ALK: variants seen among roughly 807,000 people sequenced by gnomAD.
The protein encoded by ALK is ALK tyrosine kinase receptor.
A neutral mutation model predicts 163.1 loss-of-function variants in ALK; 74 were observed. That is an observed-to-expected ratio of 0.45 (90% CI 0.38 to 0.55). ALK has a LOEUF of 0.55. Among genes scored for constraint, ALK ranks in the 20% least tolerant of loss-of-function variants. ALK has a pLI of 0.00. For missense variants in ALK, 2,063 were observed against 2,105.3 expected (o/e 0.98, Z 0.39); for synonymous variants, 960 against 843.2 (o/e 1.14, Z -2.40).
intron 2 of ALK, among the ~76,000 whole-genome samples, chr2:29,703,398 G>A (rs1477698739): frequency 6.6e-6 from 1 of 152,162 alleles, no homozygotes; most frequent in Non-Finnish European, 1.5e-5. Context: ...TGATTCACAG[G>A]AATAGAGCAC....
intron 4 of ALK, among the ~76,000 whole-genome samples, chr2:29,399,505 G>A (rs1049686754): frequency 6.6e-6 from 1 of 152,256 alleles, no homozygotes; most frequent in Non-Finnish European, 1.5e-5. Flanking sequence ...AGGCAATGCG[G>A]AATGAAGAGC....
intron 3 of ALK, among the ~76,000 whole-genome samples, chr2:29,617,827 T>A (rs1377694089): frequency 6.6e-6 from 1 of 152,226 alleles, no homozygotes; most frequent in East Asian, 1.9e-4. Flanking sequence ...TCTAACAGTA[T>A]GTGCATGTGA....
intron 5 of ALK, among the ~76,000 whole-genome samples, chr2:29,345,962 T>C (rs1057200513): frequency 2.6e-5 from 4 of 152,246 alleles, no homozygotes; most frequent in African/African-American, 9.6e-5. Flanking sequence ...TAACCATAGT[T>C]ATCTCTAAGG....
chr2:29,832,906 C>T (rs1665457549), intron 1 of ALK, among the ~76,000 whole-genome samples: 1 of 152,210 alleles, frequency 6.6e-6, no homozygotes, highest in East Asian at 1.9e-4. Context: ...AAGCTTGCTT[C>T]CTGAGAAGGC....
intron 3 of ALK, among the ~76,000 whole-genome samples, chr2:29,693,725 C>G (rs553378684): frequency 6.6e-6 from 1 of 152,156 alleles, no homozygotes; most frequent in African/African-American, 2.4e-5. Context: ...GAGATTCTCT[C>G]GAGAATCTGG....
At chr2:29,914,892 T>C (rs1223613102) in intron 1 of ALK, among the ~76,000 whole-genome samples, 2 of 152,238 alleles carry the variant, frequency 1.3e-5, no homozygotes, top group Non-Finnish European at 2.9e-5. Flanking sequence ...AGTTTCCAGG[T>C]GTATACCATT....
At position 29,496,065 on chromosome 2, in the gene ALK, T is replaced by C. The variant is rs577491364; in HGVS notation, c.1154+35850A>G. 1.8e-4 allele frequency among the ~76,000 whole-genome samples: 28 copies of C among 152,312 alleles called. No individual in the cohort carries two copies. The South Asian group carries it at 1.9e-3, about 10-fold the overall frequency. ...TCCCTTTGCGGCCGCCTTTTTCCCA[T>C]GTCAGTTCTCTGCTCAGGAATAGAC... On this transcript the variant is annotated intron_variant, in intron 4 of 28. Coordinates refer to ENST00000389048, the MANE Select transcript of ALK (RefSeq NM_004304.5).
At chr2:29,484,139 A>C (rs575485309) in intron 4 of ALK, among the ~76,000 whole-genome samples, 1 of 152,248 alleles carries the variant, frequency 6.6e-6, no homozygotes, top group East Asian at 1.9e-4. Context: ...CTCCCACGGG[A>C]TTATGGGAGT....
At position 29,735,833 on chromosome 2, in the gene ALK, G is replaced by A. The variant is rs142736366; in HGVS notation, c.668-18136C>T. Among the ~76,000 whole-genome samples the A allele has an allele frequency of 1.2e-3, 186 of 152,124 alleles. 2 individuals are homozygous for A. The highest frequency in any genetic ancestry group is 4.2e-3 in the African/African-American group (173 of 41,426). On this transcript the variant is annotated intron_variant, in intron 1 of 28. Coordinates refer to ENST00000389048, the MANE Select transcript of ALK (RefSeq NM_004304.5). ...TTTCTGCCACAATTGTAAATTTCCC[G>A]AGCCCTCCTCAGCCATGCAGAACTG...
At chr2:29,268,418 G>C (rs1047114137) in intron 11 of ALK, among the ~76,000 whole-genome samples, 1 of 152,210 alleles carries the variant, frequency 6.6e-6, no homozygotes, top group Non-Finnish European at 1.5e-5. Flanking sequence ...CTTGTGCTGG[G>C]ATAGTAGTGG....
At chr2:29,619,274 C>G (rs894654300) in intron 3 of ALK, among the ~76,000 whole-genome samples, 1 of 152,232 alleles carries the variant, frequency 6.6e-6, no homozygotes, top group African/African-American at 2.4e-5. Context: ...CTCTATTTCT[C>G]ACTTCCAGTA....
At chr2:29,712,266 G>T (rs1245001450) in intron 2 of ALK, among the ~76,000 whole-genome samples, 1 of 152,332 alleles carries the variant, frequency 6.6e-6, no homozygotes, top group East Asian at 1.9e-4. Context: ...TGCATGCAGA[G>T]ATCTTTTGCT....
chr2:29,447,165 A>G (rs1186228884), intron 4 of ALK, among the ~76,000 whole-genome samples: 1 of 152,160 alleles, frequency 6.6e-6, no homozygotes, highest in Non-Finnish European at 1.5e-5. Flanking sequence ...AATTAAGTCC[A>G]GATACCTGAT....
rs541283779 is a variant in ALK at position 29,839,819 on chromosome 2, G to A, written c.667+80174C>T. On this transcript the variant is annotated intron_variant, in intron 1 of 28. Transcript: ENST00000389048. ...GTGTCTCTTCTGTGAGATATATTAT[G>A]ACTTGGTGTTGTGTCGCTCTGTAAT... is the stretch of plus-strand genomic sequence containing the variant. 1.1e-3 allele frequency among the ~76,000 whole-genome samples: 170 copies of A among 152,158 alleles called. 1 individual carries two copies. The highest frequency in any genetic ancestry group is 3.8e-3 in the African/African-American group (156 of 41,500).
At chr2:29,741,966 G>C (rs1457013528) in intron 1 of ALK, among the ~76,000 whole-genome samples, 2 of 152,204 alleles carry the variant, frequency 1.3e-5, no homozygotes, top group Admixed American at 6.5e-5. Flanking sequence ...GAAAAAATCT[G>C]GACATTTCAA....
At chr2:29,469,859 A>G (rs563900962) in intron 4 of ALK, among the ~76,000 whole-genome samples, 2 of 152,336 alleles carry the variant, frequency 1.3e-5, no homozygotes, top group South Asian at 4.1e-4. Context: ...GAATTCAATA[A>G]AATATTACCA....
chr2:29,224,213 G>T (rs1037539792), intron 19 of ALK, among the ~76,000 whole-genome samples: 2 of 152,178 alleles, frequency 1.3e-5, no homozygotes, highest in African/African-American at 4.8e-5. Context: ...CACAGAGTTG[G>T]AGAAGAGCCA....
intron 23 of ALK, among the ~76,000 whole-genome samples, chr2:29,216,737 TG>T (rs869077907): frequency 8.2e-6 from 1 of 121,430 alleles, no homozygotes; most frequent in Non-Finnish European, 1.9e-5. Context: ...TATGTGTTTG[TG>T]TTTTGTGTAC....
intron 4 of ALK, among the ~76,000 whole-genome samples, chr2:29,469,820 C>G (rs928872440): frequency 6.6e-6 from 1 of 152,116 alleles, no homozygotes; most frequent in Non-Finnish European, 1.5e-5. Flanking sequence ...TGAAACTTCT[C>G]TGAAGAACAA....
Sources: allele counts gnomAD v4.1 joint callset (sites outside exome capture counted in the v4.1 genomes callset), GRCh38; gene constraint gnomAD v4.1.1; transcripts MANE v1.5; gene names NCBI Gene and HGNC (gene_info 2026-07-23, HGNC 2026-07-21).